Variants in CALCR observed in about 807,000 individuals in gnomAD.
CALCR encodes calcitonin receptor.
CALCR carries 47 observed loss-of-function variants against 59.5 expected under a neutral mutation model. The ratio of observed to expected loss-of-function variants is 0.79; its 90% CI spans 0.63 to 1.01. The LOEUF (loss-of-function observed/expected upper bound fraction) is 1.01. CALCR is among the 50% of genes least tolerant of loss of function. The pLI is 0.00. For missense variants in CALCR, 566 were observed against 597.1 expected (o/e 0.95, Z 0.54); for synonymous variants, 213 against 211.3 (o/e 1.01, Z -0.07).
intron 8 of CALCR, among the ~76,000 whole-genome samples, chr7:93,460,572 A>AAATATAT (rs1554397787): frequency 1.5e-5 from 1 of 66,542 alleles, no homozygotes; most frequent in African/African-American, 1.0e-4. Flanking sequence ...AAAAAAAAAA[A>AAATATAT]ATATATATAT....
intron 2 of CALCR, among the ~76,000 whole-genome samples, chr7:93,519,169 T>A (rs751453439): frequency 6.6e-6 from 1 of 152,032 alleles, no homozygotes; most frequent in Non-Finnish European, 1.5e-5. Flanking sequence ...TACATACTAA[T>A]GTTTTCTCCT....
At chr7:93,488,234 GC>G (rs1800992093) in intron 2 of CALCR, among the ~76,000 whole-genome samples, 1 of 151,648 alleles carries the variant, frequency 6.6e-6, no homozygotes, top group South Asian at 2.1e-4. Context: ...CATTTGGTCT[GC>G]CTTGCAAGAG....
rs754848660 is a variant in CALCR, at chr7:93,468,733, C to G, written c.503G>C (p.Gly168Ala). ...LSIFTLVISL[G>A]IFVFFRSLGC... is the part of the protein sequence containing the mutation. ...TACTTACCTGAAAAACACGAAAATC[C>G]CCAGGGAAATCACTAGGGTGAAAAT... The change falls in exon 7 of 14, where the codon GGG (glycine) becomes GCG (alanine). Residue 168 changes from glycine (G) to alanine (A), a missense_variant. Coordinates refer to ENST00000426151, the MANE Select transcript of CALCR (RefSeq NM_001742.4). The G allele has an allele frequency of 6.2e-7, 1 of 1,609,766 alleles. No homozygotes were observed. The highest frequency in any genetic ancestry group is 8.5e-7 in the Non-Finnish European group (1 of 1,177,358).
chr7:93,427,437 C>T (rs1026857309), intron 13 of CALCR, among the ~76,000 whole-genome samples: 1 of 152,132 alleles, frequency 6.6e-6, no homozygotes, highest in Non-Finnish European at 1.5e-5. Context: ...TTGCAATAAT[C>T]TCTATTCTGT....
intron 2 of CALCR, among the ~76,000 whole-genome samples, chr7:93,511,562 A>C (rs1801546536): frequency 6.6e-6 from 1 of 152,150 alleles, no homozygotes; most frequent in Admixed American, 6.6e-5. Context: ...ACAATAAAAA[A>C]ATTACTAGAT....
Position 93,460,919 on chromosome 7 carries a change from G to T in CALCR, c.550C>A (p.His184Asn). The T allele has an allele frequency of 1.9e-6, 3 of 1,611,144 alleles. No homozygotes were observed. Residue 184 changes from histidine (H) to asparagine (N), a missense_variant, in exon 8 of 14, where the codon CAC (histidine) becomes AAC (asparagine). Coordinates refer to ENST00000426151, the MANE Select transcript of CALCR (RefSeq NM_001742.4). ...ATGTAAGTAAGAAACATGTTCTTGT[G>T]CAGGGTTACCCTTTGGCAGCCAAGG... ...RSLGCQRVTL[H>N]KNMFLTYILN... is the part of the protein sequence containing the mutation.
At chr7:93,501,330 A>C (rs962967559) in intron 2 of CALCR, among the ~76,000 whole-genome samples, 1 of 152,046 alleles carries the variant, frequency 6.6e-6, no homozygotes, top group Non-Finnish European at 1.5e-5. Context: ...CATATGACTC[A>C]CCTTGCCAGT....
chr7:93,508,638 C>G (rs1345112889), intron 2 of CALCR, among the ~76,000 whole-genome samples: 1 of 152,088 alleles, frequency 6.6e-6, no homozygotes, highest in East Asian at 1.9e-4. Context: ...GAAGATTAGT[C>G]AAGGCATTAC....
intron 2 of CALCR, among the ~76,000 whole-genome samples, chr7:93,503,127 C>G (rs28403492): frequency 0.051 from 7,720 of 152,018 alleles, 694 homozygotes; most frequent in African/African-American, 0.18. Flanking sequence ...TTCTTTTCCT[C>G]AAGTTACATG....
intron 2 of CALCR, among the ~76,000 whole-genome samples, chr7:93,510,396 C>T (rs1428958520): frequency 6.6e-6 from 1 of 152,100 alleles, no homozygotes; most frequent in African/African-American, 2.4e-5. Context: ...TGTGACAGCC[C>T]GGTGAAGACT....
Position 93,434,285 on chromosome 7 carries a change from C to T in CALCR, c.1159G>A (p.Val387Ile), listed in dbSNP as rs1562972095. ...HSLIHFQGFFVATIYCFCNNE... is the reference protein window; with the variant it reads ...HSLIHFQGFFIATIYCFCNNE... ...TTGCAGAAGCAGTAGATGGTCGCAA[C>T]AAAGAAGCCCTAAAAAGGGAAGGAA... Residue 387 changes from valine (V) to isoleucine (I), a missense_variant, in exon 13 of 14, where the codon GTT (valine) becomes ATT (isoleucine). Physicochemically the swap from Val to Ile is conservative, Grantham distance 29. Coordinates refer to ENST00000426151, the MANE Select transcript of CALCR (RefSeq NM_001742.4). 3.7e-6 allele frequency: 6 copies of T among 1,602,088 alleles called. No individual in the cohort carries two copies. Among genetic ancestry groups the T allele is most frequent in the Non-Finnish European group, 5.1e-6 (6 of 1,174,018 alleles).
chr7:93,482,654 T>C (rs1675658247), intron 3 of CALCR: 19 of 387,816 alleles, frequency 4.9e-5, no homozygotes, highest in South Asian at 3.8e-4. Context: ...CCTATGCTTG[T>C]ATTTTCAATT....
chr7:93,477,664 T>C lies in CALCR; in HGVS notation c.210A>G (p.Pro70=), dbSNP rs761741558. 6.9e-6 allele frequency: 11 copies of C among 1,594,398 alleles called. No homozygotes were observed. Among genetic ancestry groups the C allele is most frequent in the Non-Finnish European group, 9.5e-6 (11 of 1,163,338 alleles). The part of the protein sequence containing the change: ...QQLPAYQGEG[P]YCNRTWDGWL... ...ATCCATCCCAGGTGCGATTGCAATATGGACCTGGCCATTTAGAAGGAAATT... is the reference window on the plus strand; with the variant it reads ...ATCCATCCCAGGTGCGATTGCAATACGGACCTGGCCATTTAGAAGGAAATT... The change falls in exon 5 of 14, where the codon CCA becomes CCG. Residue 70 remains proline (P), a synonymous_variant. Transcript: ENST00000426151.
At chr7:93,540,612 G>A (rs192770180) in intron 2 of CALCR, among the ~76,000 whole-genome samples, 3 of 151,212 alleles carry the variant, frequency 2.0e-5, no homozygotes, top group African/African-American at 7.3e-5. Context: ...TAAATAATTT[G>A]TATTTGTTTT....
intron 3 of CALCR, among the ~76,000 whole-genome samples, chr7:93,485,728 G>A (rs1264597869): frequency 2.0e-5 from 3 of 151,436 alleles, no homozygotes; most frequent in African/African-American, 7.2e-5. Flanking sequence ...TATTTCCAGT[G>A]ACATAAAGAA....
intron 9 of CALCR, among the ~76,000 whole-genome samples, chr7:93,442,100 G>C (rs1383020314): frequency 6.6e-6 from 1 of 151,872 alleles, no homozygotes; most frequent in Non-Finnish European, 1.5e-5. Context: ...AAAGAGAAGG[G>C]TAAAAACAGA....
At chr7:93,552,012 G>T (rs1206349780) in intron 2 of CALCR, among the ~76,000 whole-genome samples, 2 of 152,052 alleles carry the variant, frequency 1.3e-5, no homozygotes, top group Admixed American at 1.3e-4. Context: ...ATGTCAATGT[G>T]GCAAAGAATG....
intron 4 of CALCR, among the ~76,000 whole-genome samples, chr7:93,478,211 T>C (rs948079116): frequency 3.2e-5 from 4 of 124,072 alleles, no homozygotes; most frequent in Non-Finnish European, 7.7e-5. Context: ...GTTCAGTTCT[T>C]GATAAACACT....
chr7:93,497,799 T>G (rs1021877153), intron 2 of CALCR, among the ~76,000 whole-genome samples: 3 of 151,640 alleles, frequency 2.0e-5, no homozygotes, highest in African/African-American at 7.3e-5. Context: ...ATTTATCAAC[T>G]CATATGTTAT....
Sources: allele counts gnomAD v4.1 joint callset (sites outside exome capture counted in the v4.1 genomes callset), GRCh38; gene constraint gnomAD v4.1.1; transcripts MANE v1.5; gene names NCBI Gene and HGNC (gene_info 2026-07-23, HGNC 2026-07-21).